The following OPCML variants were observed in gnomAD, a reference collection of about 807,000 sequenced individuals.
The protein encoded by OPCML is opioid binding protein/cell adhesion molecule like.
OPCML carries 13 observed loss-of-function variants against 37.8 expected under a neutral mutation model. The observed-to-expected ratio is 0.34, with a 90% confidence interval of 0.22 to 0.55. The LOEUF is 0.55. Ranked by LOEUF, OPCML falls within the 20% of genes least tolerant of loss-of-function variation. OPCML has a pLI of 0.91. For synonymous variants in OPCML, 176 were observed against 168.8 expected (o/e 1.04, Z -0.33); for missense variants, 341 against 435.6 (o/e 0.78, Z 1.93).
At chr11:133,015,878 C>T (rs969462714) in intron 1 of OPCML, among the ~76,000 whole-genome samples, 8 of 152,144 alleles carry the variant, frequency 5.3e-5, no homozygotes, top group African/African-American at 1.9e-4. Context: ...AATCCTATGC[C>T]TCCTCCAAGA....
At chr11:133,029,649 TGTAA>T (rs1403520401) in intron 1 of OPCML, among the ~76,000 whole-genome samples, 2 of 152,124 alleles carry the variant, frequency 1.3e-5, no homozygotes, top group Admixed American at 1.3e-4. Context: ...TGTTCTCACT[TGTAA>T]GTGAGAGCTA....
chr11:132,503,333 T>C (rs1263661113), intron 4 of OPCML, among the ~76,000 whole-genome samples: 1 of 152,168 alleles, frequency 6.6e-6, no homozygotes, highest in Non-Finnish European at 1.5e-5. Flanking sequence ...CTTGGAAAAC[T>C]GAAATTCACA....
At chr11:132,704,436 G>C (rs1943952497) in intron 2 of OPCML, among the ~76,000 whole-genome samples, 1 of 152,178 alleles carries the variant, frequency 6.6e-6, no homozygotes, top group Non-Finnish European at 1.5e-5. Context: ...GTAGCAGTAA[G>C]GCAGGTCTAG....
At chr11:132,930,224 C>T (rs11223285) in intron 2 of OPCML, among the ~76,000 whole-genome samples, 68,110 of 151,752 alleles carry the variant, frequency 0.45, 16,627 homozygotes, top group African/African-American at 0.64. Flanking sequence ...ATTAGCCTGA[C>T]GTGGTGGCCT....
intron 1 of OPCML, among the ~76,000 whole-genome samples, chr11:133,288,442 G>A (rs77821142): frequency 0.044 from 6,708 of 152,288 alleles, 219 homozygotes; most frequent in Non-Finnish European, 0.062. Flanking sequence ...TGCTCCCAAA[G>A]TGGCATTTCC....
chr11:133,458,749 A>ATATACACATAGATGCACGTGTGTG, intron 1 of OPCML, among the ~76,000 whole-genome samples: 1 of 30,910 alleles, frequency 3.2e-5, no homozygotes, highest in Non-Finnish European at 6.5e-5. Flanking sequence ...ACGTGTGTGT[A>ATATACACATAGATGCACGTGTGTG]TATATACACA....
intron 2 of OPCML, among the ~76,000 whole-genome samples, chr11:132,923,462 G>C (rs372515334): frequency 1.3e-5 from 2 of 152,238 alleles, no homozygotes; most frequent in East Asian, 3.9e-4. Flanking sequence ...TTAACAAATT[G>C]GAAGTAGCAT....
intron 2 of OPCML, among the ~76,000 whole-genome samples, chr11:132,915,588 C>T (rs748707029): frequency 2.2e-4 from 33 of 152,082 alleles, no homozygotes; most frequent in Admixed American, 2.6e-4. Context: ...CTCCAAAAGA[C>T]TCACACATTG....
chr11:132,669,476 C>T (rs1376542906), intron 2 of OPCML, among the ~76,000 whole-genome samples: 2 of 152,166 alleles, frequency 1.3e-5, no homozygotes, highest in Admixed American at 1.3e-4. Flanking sequence ...GCTAGTGAAG[C>T]AGTTTTTTGG....
chr11:132,731,839 G>A (rs1945087550), intron 2 of OPCML, among the ~76,000 whole-genome samples: 1 of 152,158 alleles, frequency 6.6e-6, no homozygotes, highest in Non-Finnish European at 1.5e-5. Flanking sequence ...TCAACTGCAT[G>A]TAGGAAATGC....
intron 1 of OPCML, among the ~76,000 whole-genome samples, chr11:133,247,548 C>CTTTCT (rs779827507): frequency 2.4e-5 from 3 of 122,766 alleles, no homozygotes; most frequent in Non-Finnish European, 5.6e-5. Flanking sequence ...CTTTTTCTTT[C>CTTTCT]TTTCTTTCTT....
At chr11:132,694,988 A>G (rs1443093551) in intron 2 of OPCML, among the ~76,000 whole-genome samples, 3 of 152,214 alleles carry the variant, frequency 2.0e-5, no homozygotes, top group Non-Finnish European at 4.4e-5. Context: ...TAGCTCTGAA[A>G]TGCATACCTT....
chr11:132,834,482 C>T (rs1940896192), intron 2 of OPCML, among the ~76,000 whole-genome samples: 1 of 152,180 alleles, frequency 6.6e-6, no homozygotes, highest in Admixed American at 6.5e-5. Flanking sequence ...TTGGCAGGGC[C>T]ATGCCCCTCT....
At chr11:133,303,456 A>G (rs1942832094) in intron 1 of OPCML, among the ~76,000 whole-genome samples, 2 of 152,190 alleles carry the variant, frequency 1.3e-5, no homozygotes, top group South Asian at 4.1e-4. Context: ...CATGACTGCT[A>G]ATTGCTGAGT....
chr11:133,354,424 A>C (rs1049975816), intron 1 of OPCML, among the ~76,000 whole-genome samples: 2 of 151,636 alleles, frequency 1.3e-5, no homozygotes, highest in Non-Finnish European at 2.9e-5. Flanking sequence ...TGTTATCTTT[A>C]CAACAACCCT....
At chr11:132,437,948 G>A (rs935707211) in intron 4 of OPCML, among the ~76,000 whole-genome samples, 1 of 152,154 alleles carries the variant, frequency 6.6e-6, no homozygotes, top group African/African-American at 2.4e-5. Flanking sequence ...AGGACCCCAC[G>A]ATGGCTTTGT....
intron 3 of OPCML, among the ~76,000 whole-genome samples, chr11:132,550,361 T>C (rs112540036): frequency 1.3e-5 from 2 of 152,158 alleles, no homozygotes; most frequent in African/African-American, 4.8e-5. Flanking sequence ...CCCTCGGTGC[T>C]GTCCTCATGA....
chr11:132,959,239 G>A (rs1344108513), intron 1 of OPCML, among the ~76,000 whole-genome samples: 2 of 152,222 alleles, frequency 1.3e-5, no homozygotes, highest in African/African-American at 2.4e-5. Context: ...GGTGGAAATA[G>A]CAAGAGAACT....
intron 1 of OPCML, among the ~76,000 whole-genome samples, chr11:133,437,955 C>T (rs905619937): frequency 2.0e-5 from 3 of 151,810 alleles, no homozygotes; most frequent in Non-Finnish European, 4.4e-5. Flanking sequence ...ATTTTGCCAT[C>T]CATAAATACT....
Sources: gnomAD v4.1 joint callset for allele counts (sites outside exome capture counted in the v4.1 genomes callset) on GRCh38, gnomAD v4.1.1 for gene constraint, MANE v1.5 for transcripts, NCBI Gene and HGNC (gene_info 2026-07-23, HGNC 2026-07-21) for gene names.